Variants in TRIP12 observed in about 807,000 individuals in gnomAD.
The protein encoded by TRIP12 is E3 ubiquitin-protein ligase TRIP12.
Under a neutral mutation model 244.2 loss-of-function variants are expected in TRIP12, and 25 were observed. The ratio of observed to expected loss-of-function variants is 0.10; its 90% CI spans 0.07 to 0.14. TRIP12 has a LOEUF of 0.14. Among genes scored for constraint, TRIP12 ranks in the 10% least tolerant of loss-of-function variants. The pLI, the probability that TRIP12 is intolerant of heterozygous loss-of-function variation, is 1.00. For missense variants in TRIP12, 1,677 were observed against 2,486.4 expected, an observed-to-expected ratio of 0.67 and a Z score of 6.92; for synonymous variants, 905 against 873.1, an observed-to-expected ratio of 1.04 and a Z score of -0.64.
intron 33 of TRIP12, 92 bp downstream of exon 33, chr2:229,787,413 A>G: frequency 7.3e-7 from 1 of 1,367,468 alleles, no homozygotes; most frequent in Non-Finnish European, 9.9e-7. Flanking sequence ...GGCCTCCAAG[A>G]CCAACATGCA....
At chr2:229,877,893 T>G (rs1264822969) in intron 2 of TRIP12, among the ~76,000 whole-genome samples, 3 of 152,212 alleles carry the variant, frequency 2.0e-5, no homozygotes, top group Non-Finnish European at 4.4e-5. Flanking sequence ...ATGTAACACT[T>G]TTATTACAGG....
intron 8 of TRIP12, among the ~76,000 whole-genome samples, chr2:229,828,296 A>G (rs1575595486): frequency 6.6e-6 from 1 of 151,124 alleles, no homozygotes; most frequent in African/African-American, 2.4e-5. Context: ...CAGGTTTCAG[A>G]TACTTTAAAA....
chr2:229,768,560 C>G (rs2032826299), intron 41 of TRIP12, 56 bp downstream of exon 41: 3 of 1,538,126 alleles, frequency 2.0e-6, no homozygotes, highest in Non-Finnish European at 2.7e-6. Flanking sequence ...TGAAGTTTCA[C>G]ACTCACAAAC....
Position 229,799,350 on chromosome 2 carries a change from C to G in TRIP12, c.3240G>C (p.Leu1080=), listed in dbSNP as rs2043618684. ...TTGGCCTTCTTGGCCCTCGTTTTGG[C>G]AGTCGTTTTCTCTTTAGAACATCAC... ...RLSDVLKRKR[L]PKRGPRRPKY... is the part of the protein sequence containing the mutation. The change falls in exon 22 of 42, where the codon CTG becomes CTC. Residue 1080 remains leucine, a synonymous_variant. Transcript: ENST00000675903. 4.3e-6 allele frequency: 7 copies of G among 1,614,172 alleles called. No homozygotes were observed. In the African/African-American group the frequency reaches 8.0e-5, roughly 18 times the overall value.
At position 229,802,477 on chromosome 2, in the gene TRIP12, T is replaced by TG. The variant is rs781166243; in HGVS notation, c.2999-19dup. 6.3e-7 allele frequency: 1 copy of TG among 1,591,286 alleles called. No individual in the cohort carries two copies. The highest frequency in any genetic ancestry group is 1.3e-5 in the African/African-American group (1 of 74,500). ...CATTACACCTTTATAATAACAGAGA[T>TG]GAAAGGGAGTCAGTTTTAATCAGGA... On this transcript the variant is annotated intron_variant, in intron 20 of 41. Coordinates refer to ENST00000675903, the MANE Select transcript of TRIP12 (RefSeq NM_001348323.3).
At chr2:229,877,380 A>AAAT (rs1248030784) in intron 2 of TRIP12, among the ~76,000 whole-genome samples, 1 of 151,196 alleles carries the variant, frequency 6.6e-6, no homozygotes, top group African/African-American at 2.4e-5. Context: ...AAACACAAAA[A>AAAT]TTAGCCGGGC....
At chr2:229,919,276 C>T (rs1352357408) in intron 1 of TRIP12, among the ~76,000 whole-genome samples, 1 of 151,984 alleles carries the variant, frequency 6.6e-6, no homozygotes, top group African/African-American at 2.4e-5. Context: ...ATTAGCCGGG[C>T]GTGGTGGCGC....
chr2:229,791,931 T>C lies in TRIP12; in HGVS notation c.4350A>G (p.Glu1450=), dbSNP rs756832828. ...QFSIQAEDER[E]STDDESNPLG... ...GAGGATTGCTCTCATCATCTGTGGATTCTCTTTCATCTTCAGCCTGTATAC... is the reference window on the plus strand; with the variant it reads ...GAGGATTGCTCTCATCATCTGTGGACTCTCTTTCATCTTCAGCCTGTATAC... Residue 1450 remains glutamate (E), a synonymous_variant, in exon 29 of 42, where the codon GAA becomes GAG. Coordinates refer to ENST00000675903, the MANE Select transcript of TRIP12 (RefSeq NM_001348323.3). 1 of 1,614,166 alleles carries C rather than the reference T, an allele frequency of 6.2e-7. No homozygotes were observed. Among genetic ancestry groups the C allele is most frequent in the Non-Finnish European group, 8.5e-7 (1 of 1,180,000 alleles).
chr2:229,910,906 T>A (rs2074142582), intron 1 of TRIP12, among the ~76,000 whole-genome samples: 1 of 152,238 alleles, frequency 6.6e-6, no homozygotes, highest in Non-Finnish European at 1.5e-5. Flanking sequence ...GATCACAAAG[T>A]TAAGACTACT....
intron 1 of TRIP12, among the ~76,000 whole-genome samples, chr2:229,880,752 T>TG (rs1222184578): frequency 1.3e-5 from 2 of 152,182 alleles, no homozygotes; most frequent in Non-Finnish European, 2.9e-5. Flanking sequence ...AACACCAGCC[T>TG]GGTCAATATG....
rs554402106 is a variant in TRIP12, at chr2:229,837,213, G to C, written c.1134-229C>G. 2.6e-5 allele frequency among the ~76,000 whole-genome samples: 4 copies of C among 152,308 alleles called. No homozygotes were observed. The South Asian group carries it at 8.3e-4, about 32-fold the overall frequency. On this transcript the variant is annotated intron_variant, in intron 5 of 41. Coordinates refer to ENST00000675903, the MANE Select transcript of TRIP12 (RefSeq NM_001348323.3). ...ATACAAGCTTTTGTTACTGTGAGCT[G>C]TTGTCATCCTCAGAAACAGAAACGA...
At chr2:229,801,132 A>C (rs2154268204) in intron 21 of TRIP12, among the ~76,000 whole-genome samples, 1 of 152,268 alleles carries the variant, frequency 6.6e-6, no homozygotes, top group African/African-American at 2.4e-5. Context: ...GCAAGGCTGG[A>C]AAGGAAAATG....
chr2:229,775,386 T>TAA lies in TRIP12; in HGVS notation c.5530-1127_5530-1126dup, dbSNP rs373514087. On this transcript the variant is annotated intron_variant, in intron 37 of 41. Coordinates refer to ENST00000675903, the MANE Select transcript of TRIP12 (RefSeq NM_001348323.3). The stretch of plus-strand genomic sequence containing the variant: ...TGAAGTATTCTTCAGCACAAAGATT[T>TAA]AAAAAAAAAAAAAAAAAGAAAGTTC... Among the ~76,000 whole-genome samples the TAA allele has an allele frequency of 7.8e-3, 1,016 of 129,802 alleles. 42 individuals carry two copies. Among genetic ancestry groups the TAA allele is most frequent in the Admixed American group, 0.069 (898 of 12,934 alleles). 85.2% of individuals were successfully genotyped at this position (129,802 alleles called of 152,430 possible).
chr2:229,913,234 C>A (rs2074676850), intron 1 of TRIP12, among the ~76,000 whole-genome samples: 1 of 152,108 alleles, frequency 6.6e-6, no homozygotes, highest in South Asian at 2.1e-4. Context: ...AATTTACATT[C>A]TAATATCAGA....
At chr2:229,772,989 T>C (rs1406823948) in intron 38 of TRIP12, among the ~76,000 whole-genome samples, 2 of 152,054 alleles carry the variant, frequency 1.3e-5, no homozygotes, top group Admixed American at 6.5e-5. Context: ...ATCTATATAG[T>C]GGTAATTTAA....
At chr2:229,876,728 G>A (rs182456605) in intron 2 of TRIP12, among the ~76,000 whole-genome samples, 3 of 152,258 alleles carry the variant, frequency 2.0e-5, no homozygotes, top group African/African-American at 7.2e-5. Context: ...GGCGTGCCCA[G>A]TCATAGTTCA....
intron 13 of TRIP12, among the ~76,000 whole-genome samples, chr2:229,813,126 G>A (rs879421051): frequency 1.3e-5 from 2 of 152,052 alleles, no homozygotes; most frequent in Admixed American, 1.3e-4. Flanking sequence ...ACCCCAGATA[G>A]CCACAAACTA....
intron 1 of TRIP12, among the ~76,000 whole-genome samples, chr2:229,917,152 G>C (rs1005846245): frequency 1.3e-5 from 2 of 151,870 alleles, no homozygotes; most frequent in African/African-American, 4.8e-5. Context: ...AGTCCAAGGC[G>C]GGTGGATCAC....
Position 229,799,032 on chromosome 2 carries a change from T to C in TRIP12, c.3325A>G (p.Thr1109Ala), listed in dbSNP as rs1039258345. 2.5e-6 allele frequency: 4 copies of C among 1,613,994 alleles called. No homozygotes were observed. In the African/African-American group the frequency reaches 4.0e-5, roughly 16 times the overall value. ...VDNQAKSPTTTQSPKSSFLAS... is the reference protein window; with the variant it reads ...VDNQAKSPTTAQSPKSSFLAS... ...AGGAAAGAAGATTTAGGTGACTGAG[T>C]AGTGGTGGGGCTTTTAGCTATGAAA... is the stretch of plus-strand genomic sequence containing the variant. Residue 1109 changes from threonine to alanine, a missense_variant, in exon 23 of 42, where the codon ACT becomes GCT. Coordinates refer to ENST00000675903, the MANE Select transcript of TRIP12 (RefSeq NM_001348323.3).
Sources: gnomAD v4.1 joint callset for allele counts (sites outside exome capture counted in the v4.1 genomes callset) on GRCh38, gnomAD v4.1.1 for gene constraint, MANE v1.5 for transcripts, NCBI Gene and HGNC (gene_info 2026-07-23, HGNC 2026-07-21) for gene names.